Variants in PCDH15 observed in about 807,000 individuals in gnomAD.
The protein encoded by PCDH15 is protocadherin related 15, also known as protocadherin-15.
In PCDH15, 129 loss-of-function variants were observed where a neutral mutation model predicts 178.5. The ratio of observed to expected loss-of-function variants is 0.72; its 90% confidence interval spans 0.63 to 0.84. PCDH15 has a LOEUF of 0.84. Among genes scored for constraint, PCDH15 ranks in the 40% least tolerant of loss-of-function variants. The pLI is 0.00. For missense variants in PCDH15, 2,230 were observed against 2,099.9 expected, an observed-to-expected ratio of 1.06 and a Z score of -1.21; for synonymous variants, 800 against 732.0, an observed-to-expected ratio of 1.09 and a Z score of -1.50.
intron 1 of PCDH15, among the ~76,000 whole-genome samples, chr10:54,799,109 G>A (rs56713740): frequency 0.045 from 6,804 of 152,126 alleles, 453 homozygotes; most frequent in African/African-American, 0.15. Flanking sequence ...TTTGCTTGAC[G>A]TACGTTTTGT....
intron 1 of PCDH15, among the ~76,000 whole-genome samples, chr10:55,193,445 T>A (rs1387062340): frequency 6.6e-6 from 1 of 151,934 alleles, no homozygotes; most frequent in African/African-American, 2.4e-5. Context: ...ATTAAAGAAG[T>A]TATGAAATAT....
intron 2 of PCDH15, among the ~76,000 whole-genome samples, chr10:55,491,892 G>GC (rs1177364077): frequency 6.6e-6 from 1 of 151,406 alleles, no homozygotes; most frequent in African/African-American, 2.4e-5. Flanking sequence ...CTGTGCACAG[G>GC]CACTAAGCTG....
intron 2 of PCDH15, among the ~76,000 whole-genome samples, chr10:55,464,017 GAAAGAAAGAAAGAA>G (rs1203632613): frequency 9.3e-6 from 1 of 107,830 alleles, no homozygotes. Flanking sequence ...AAGAAAGAAA[GAAAGAAAGAAAGAA>G]AGAAAGAAAG....
intron 3 of PCDH15, among the ~76,000 whole-genome samples, chr10:54,873,946 CT>C (rs970928273): frequency 3.8e-4 from 57 of 149,340 alleles, no homozygotes; most frequent in South Asian, 3.8e-3. Flanking sequence ...TTTCAGTTTT[CT>C]TTTTTTTCTT....
At chr10:55,410,652 G>A (rs1838309458) in intron 2 of PCDH15, among the ~76,000 whole-genome samples, 1 of 152,078 alleles carries the variant, frequency 6.6e-6, no homozygotes, top group South Asian at 2.1e-4. Context: ...AGAGAGCTTG[G>A]TTCATTGTGC....
intron 25 of PCDH15, among the ~76,000 whole-genome samples, chr10:53,907,999 A>T (rs1398805136): frequency 6.6e-6 from 1 of 152,168 alleles, no homozygotes; most frequent in East Asian, 1.9e-4. Flanking sequence ...CTCAAGATGA[A>T]TCCATTTCAT....
intron 2 of PCDH15, among the ~76,000 whole-genome samples, chr10:55,598,568 A>ATG (rs1842991917): frequency 2.6e-5 from 3 of 114,860 alleles, no homozygotes; most frequent in Non-Finnish European, 3.7e-5. Flanking sequence ...ATATATATAT[A>ATG]GTAAACACAA....
intron 18 of PCDH15, among the ~76,000 whole-genome samples, chr10:54,042,312 G>T (rs1257130476): frequency 6.6e-6 from 1 of 152,086 alleles, no homozygotes; most frequent in Non-Finnish European, 1.5e-5. Flanking sequence ...ACTAAGTGAT[G>T]CAGCTAGAAT....
At chr10:54,199,466 C>T (rs895804912) in intron 10 of PCDH15, among the ~76,000 whole-genome samples, 2 of 150,940 alleles carry the variant, frequency 1.3e-5, no homozygotes, top group Non-Finnish European at 2.9e-5. Flanking sequence ...AAATGAATAT[C>T]GAAAAGCAAG....
chr10:55,243,729 GTC>G (rs1841614344), intron 1 of PCDH15, among the ~76,000 whole-genome samples: 1 of 152,168 alleles, frequency 6.6e-6, no homozygotes, highest in East Asian at 1.9e-4. Flanking sequence ...CCCAGAAACA[GTC>G]TCTCTAAAGT....
intron 2 of PCDH15, among the ~76,000 whole-genome samples, chr10:55,339,290 TAACAACAACAAC>T (rs34058084): frequency 6.6e-6 from 1 of 150,534 alleles, no homozygotes; most frequent in Non-Finnish European, 1.5e-5. Context: ...CCATAACAAT[TAACAACAACAAC>T]AACAACAACA....
chr10:55,108,719 AC>A (rs1428213160), intron 2 of PCDH15, among the ~76,000 whole-genome samples: 2 of 151,966 alleles, frequency 1.3e-5, no homozygotes, highest in Admixed American at 1.3e-4. Context: ...AAAAAAAAAA[AC>A]AATAAATTTT....
intron 2 of PCDH15, among the ~76,000 whole-genome samples, chr10:54,571,982 A>G (rs904931013): frequency 6.6e-6 from 1 of 152,116 alleles, no homozygotes; most frequent in African/African-American, 2.4e-5. Context: ...CCTGATCACA[A>G]ATCATTTCTA....
In PCDH15 at chr10:55,058,713, G is replaced by A. The variant is rs186188532; in HGVS notation, c.-80+107863C>T. Among the ~76,000 whole-genome samples, 272 of 152,134 alleles carry A rather than the reference G, an allele frequency of 1.8e-3. 1 individual carries two copies. The highest frequency in any genetic ancestry group is 6.5e-3 in the African/African-American group (269 of 41,500). On this transcript the variant is annotated intron_variant, in intron 2 of 5. Coordinates refer to the PCDH15 transcript ENST00000458638. The stretch of plus-strand genomic sequence containing the variant: ...TATCATATTTGGCAGGTCTGAAAAT[G>A]GAAATATTCTCTCCTATATCATATT...
At chr10:55,167,017 C>T (rs1376445686) in intron 1 of PCDH15, among the ~76,000 whole-genome samples, 2 of 152,166 alleles carry the variant, frequency 1.3e-5, no homozygotes, top group East Asian at 1.9e-4. Flanking sequence ...CCTTAAATGA[C>T]ACTTCAAATA....
chr10:55,540,803 A>G (rs902469481), intron 2 of PCDH15, among the ~76,000 whole-genome samples: 1 of 152,044 alleles, frequency 6.6e-6, no homozygotes, highest in African/African-American at 2.4e-5. Context: ...GTGCAAATTC[A>G]CTCTTAATAA....
At position 54,256,987 on chromosome 10, in the gene PCDH15, G is replaced by A. The variant is rs2056941887; in HGVS notation, c.877-20056C>T. Among the ~76,000 whole-genome samples, 3 of 151,964 alleles carry A rather than the reference G, an allele frequency of 2.0e-5. No homozygotes were observed. The South Asian group carries it at 6.2e-4, about 31-fold the overall frequency. Reference sequence around the variant, plus strand: ...TCCCTAGTACATAAAACATTGTCCTGCACTAAAAGTCTTTCTTGTTCATGC... The same window carrying A: ...TCCCTAGTACATAAAACATTGTCCTACACTAAAAGTCTTTCTTGTTCATGC... On this transcript the variant is annotated intron_variant, in intron 8 of 37. Coordinates refer to ENST00000644397, the MANE Select transcript of PCDH15 (RefSeq NM_001384140.1).
intron 1 of PCDH15, among the ~76,000 whole-genome samples, chr10:54,744,595 C>G (rs565845660): frequency 1.3e-5 from 2 of 151,902 alleles, no homozygotes; most frequent in Non-Finnish European, 2.9e-5. Context: ...ATTAGAGTAT[C>G]GCTGAAATCT....
intron 2 of PCDH15, among the ~76,000 whole-genome samples, chr10:54,529,010 C>T (rs1470750681): frequency 6.6e-6 from 1 of 151,968 alleles, no homozygotes; most frequent in Non-Finnish European, 1.5e-5. Flanking sequence ...TCCTGTACAG[C>T]AGTGCAAATT....
Sources: gnomAD v4.1 joint callset for allele counts (sites outside exome capture counted in the v4.1 genomes callset) on GRCh38, gnomAD v4.1.1 for gene constraint, MANE v1.5 for transcripts, NCBI Gene and HGNC (gene_info 2026-07-23, HGNC 2026-07-21) for gene names.